Variants in DNAH6 observed in about 807,000 individuals in gnomAD.
DNAH6 encodes axonemal beta dynein heavy chain 6.
DNAH6 carries 340 observed loss-of-function variants against 491.4 expected under a neutral mutation model. The observed-to-expected ratio is 0.69, with a 90% CI of 0.63 to 0.76. The LOEUF (loss-of-function observed/expected upper bound fraction) is 0.76, where lower values mean the gene tolerates loss of function less well. Ranked by LOEUF, DNAH6 falls within the 30% of genes least tolerant of loss-of-function variation. DNAH6 has a pLI of 0.00. For synonymous variants in DNAH6, 1,603 were observed against 1,686.1 expected (o/e 0.95, Z 1.21); for missense variants, 4,443 against 4,972.2 (o/e 0.89, Z 3.20).
chr2:84,809,830 G>A (rs932773492), intron 72 of DNAH6, among the ~76,000 whole-genome samples: 1 of 152,110 alleles, frequency 6.6e-6, no homozygotes, highest in Non-Finnish European at 1.5e-5. Flanking sequence ...GAAAGAGAGA[G>A]GCAAGGAAAA....
intron 63 of DNAH6, 102 bp from the exon 64 acceptor site, chr2:84,762,653 A>G (rs1465262012): frequency 2.5e-6 from 2 of 792,040 alleles, no homozygotes; most frequent in East Asian, 2.7e-5. Context: ...AATAAGTACA[A>G]AAACACAGGA....
Position 84,571,352 on chromosome 2 carries a change from T to C in DNAH6, c.1804-2115T>C, listed in dbSNP as rs376708780. 1.2e-4 allele frequency among the ~76,000 whole-genome samples: 18 copies of C among 152,290 alleles called. No individual in the cohort carries two copies. In the South Asian group the frequency reaches 3.3e-3, roughly 28 times the overall value. ...TCTGTCCATAAGCTACTTATTGATT[T>C]CAAAGGGGAAAATAGTTCACAGTGA... On this transcript the variant is annotated intron_variant, in intron 11 of 76. Coordinates refer to ENST00000389394, the MANE Select transcript of DNAH6 (RefSeq NM_001370.2).
the DNAH6 span, among the ~76,000 whole-genome samples, chr2:84,489,761 G>T: frequency 6.6e-6 from 1 of 152,156 alleles, no homozygotes; most frequent in Non-Finnish European, 1.5e-5. Context: ...ATCTAGAGCA[G>T]TGTTCTCAAA....
At chr2:84,684,773 G>A (rs1320318172) in intron 42 of DNAH6, among the ~76,000 whole-genome samples, 2 of 152,186 alleles carry the variant, frequency 1.3e-5, no homozygotes, top group African/African-American at 4.8e-5. Flanking sequence ...GTACATTGTT[G>A]CTTTGATTGT....
chr2:84,500,961 C>T, the DNAH6 span, among the ~76,000 whole-genome samples: 3 of 152,122 alleles, frequency 2.0e-5, no homozygotes, highest in Non-Finnish European at 2.9e-5. Context: ...TAAGATCATA[C>T]TGTCTGCAAA....
intron 9 of DNAH6, among the ~76,000 whole-genome samples, chr2:84,551,682 T>G (rs1259620653): frequency 1.3e-5 from 2 of 152,204 alleles, no homozygotes; most frequent in Non-Finnish European, 2.9e-5. Context: ...ATGCACATTT[T>G]TAAGGCTTTT....
At chr2:84,584,406 CT>C in intron 15 of DNAH6, 156 bp downstream of exon 15, 1 of 770,124 alleles carries the variant, frequency 1.3e-6, no homozygotes. Context: ...GTTAATCAAG[CT>C]AATTAATGTG....
At chr2:84,748,260 T>G (rs984007740) in intron 63 of DNAH6, among the ~76,000 whole-genome samples, 1 of 152,212 alleles carries the variant, frequency 6.6e-6, no homozygotes, top group Non-Finnish European at 1.5e-5. Context: ...ATTTTCCAAA[T>G]TTTTACCCTC....
intron 70 of DNAH6, among the ~76,000 whole-genome samples, chr2:84,804,496 A>C (rs574881832): frequency 2.0e-5 from 3 of 152,112 alleles, no homozygotes; most frequent in Non-Finnish European, 4.4e-5. Flanking sequence ...AGTTTATTTA[A>C]TTAAATATTA....
At chr2:84,498,502 TA>T in the DNAH6 span, among the ~76,000 whole-genome samples, 140,483 of 149,934 alleles carry the variant, frequency 0.94, 65,820 homozygotes, top group East Asian at 0.99. Flanking sequence ...CCTGCTCAAG[TA>T]AAAAAAAAAA....
chr2:84,680,443 CT>C (rs1693672778), intron 41 of DNAH6, among the ~76,000 whole-genome samples: 1 of 151,498 alleles, frequency 6.6e-6, no homozygotes, highest in Non-Finnish European at 1.5e-5. Context: ...GATGGGAGGA[CT>C]TGTTTTAGAC....
intron 18 of DNAH6, among the ~76,000 whole-genome samples, chr2:84,598,505 C>G (rs189470798): frequency 1.0e-3 from 154 of 152,102 alleles, no homozygotes; most frequent in African/African-American, 3.6e-3. Context: ...TTTCTATTAA[C>G]TTGGGTAAAT....
At chr2:84,553,365 T>TTTTC (rs869077601) in intron 10 of DNAH6, among the ~76,000 whole-genome samples, 161 of 19,698 alleles carry the variant, frequency 8.2e-3, no homozygotes, top group South Asian at 0.015. Context: ...TTTTCTTTTC[T>TTTTC]TTTCTTTCTT....
rs1419215092 is a variant in DNAH6 at position 84,634,570 on chromosome 2, C to T, written c.4582C>T (p.Arg1528Ter). The T allele has an allele frequency of 1.9e-6, 3 of 1,550,366 alleles. No individual in the cohort carries two copies. Among genetic ancestry groups the T allele is most frequent in the Admixed American group, 2.0e-5 (1 of 50,792 alleles). The change falls in exon 30 of 77, where the codon CGA becomes TGA. Residue 1528 changes from arginine (R) to a stop codon, truncating the protein, a stop_gained. Coordinates refer to ENST00000389394, the MANE Select transcript of DNAH6 (RefSeq NM_001370.2). LOFTEE classifies it high-confidence loss of function. Reference protein sequence around the residue: ...GAWCCFDEFNRIDIEVLSVIA... With the variant: ...GAWCCFDEFN ...CTGGTGCTGCTTTGATGAATTTAATCGAATTGACATAGAAGTTCTGTCCGT... is the reference window on the plus strand; with the variant it reads ...CTGGTGCTGCTTTGATGAATTTAATTGAATTGACATAGAAGTTCTGTCCGT...
intron 37 of DNAH6, among the ~76,000 whole-genome samples, chr2:84,665,144 CAGGAAAG>C (rs1691960980): frequency 6.6e-6 from 1 of 152,132 alleles, no homozygotes; most frequent in Non-Finnish European, 1.5e-5. Flanking sequence ...CAAGAGAAAG[CAGGAAAG>C]ATCTAAAATT....
At chr2:84,654,252 G>A (rs1690738059) in intron 34 of DNAH6, among the ~76,000 whole-genome samples, 2 of 152,130 alleles carry the variant, frequency 1.3e-5, no homozygotes, top group African/African-American at 4.8e-5. Flanking sequence ...GGGATTGGGA[G>A]AGGAATGTGG....
intron 40 of DNAH6, among the ~76,000 whole-genome samples, chr2:84,675,352 G>A (rs1169290553): frequency 1.3e-5 from 2 of 152,116 alleles, no homozygotes; most frequent in Non-Finnish European, 2.9e-5. Context: ...GTAGAGACAG[G>A]GACTTGTCCA....
At chr2:84,483,400 A>G in the DNAH6 span, among the ~76,000 whole-genome samples, 1 of 152,182 alleles carries the variant, frequency 6.6e-6, no homozygotes, top group Admixed American at 6.5e-5. Flanking sequence ...CTATTTACAT[A>G]TGTGCCAGCC....
chr2:84,489,891 G>C, the DNAH6 span, among the ~76,000 whole-genome samples: 4 of 152,100 alleles, frequency 2.6e-5, no homozygotes, highest in Admixed American at 2.6e-4. Flanking sequence ...TTTCTAACGA[G>C]TTCCCAGGTA....
Sources: allele counts gnomAD v4.1 joint callset (sites outside exome capture counted in the v4.1 genomes callset), GRCh38; gene constraint gnomAD v4.1.1; transcripts MANE v1.5; gene names NCBI Gene and HGNC (gene_info 2026-07-23, HGNC 2026-07-21).